Variants in STBD1 observed in about 807,000 individuals in gnomAD.
STBD1 encodes the protein starch binding domain 1, also known as starch-binding domain-containing protein 1.
In STBD1, 13 loss-of-function variants were observed where a neutral mutation model predicts 10.5. The ratio of observed to expected loss-of-function variants is 1.24; its 90% CI spans 0.81 to 1.97. The LOEUF (loss-of-function observed/expected upper bound fraction) is 1.97. Among genes scored for constraint, STBD1 ranks in the 30% most tolerant of loss-of-function variants. The pLI is 0.00. For missense variants in STBD1, 427 were observed against 435.6 expected (o/e 0.98, Z 0.17); for synonymous variants, 146 against 160.2 (o/e 0.91, Z 0.67).
intron 1 of STBD1, among the ~76,000 whole-genome samples, chr4:76,308,625 TC>T (rs1454991748): frequency 2.0e-5 from 3 of 152,354 alleles, no homozygotes; most frequent in East Asian, 1.9e-4. Flanking sequence ...ACTACTGTTC[TC>T]CGTATCTCCC....
At chr4:76,309,047 G>A in intron 1 of STBD1, 97 bp from the exon 2 acceptor site, 1 of 1,483,370 alleles carries the variant, frequency 6.7e-7, no homozygotes. Context: ...AGATTGATTA[G>A]TAGTAAAGCT....
At chr4:76,308,145 G>A (rs762658207) in intron 1 of STBD1, among the ~76,000 whole-genome samples, 4 of 151,844 alleles carry the variant, frequency 2.6e-5, no homozygotes, top group Non-Finnish European at 5.9e-5. Context: ...AGTAGGCGCC[G>A]GTAGTCCCAG....
chr4:76,309,686 G>A lies in STBD1; in HGVS notation c.763G>A (p.Ala255Thr), dbSNP rs150901851. 6.2e-6 allele frequency: 10 copies of A among 1,614,138 alleles called. No homozygotes were observed. The highest frequency in any genetic ancestry group is 1.7e-5 in the Admixed American group (1 of 60,008). ...QQVHGKMERV[A>T]VMPAGSQQVS... ...AGTGCATGGGAAAATGGAAAGGGTA[G>A]CAGTGATGCCTGCAGGGTCTCAGCA... Residue 255 changes from alanine to threonine, a missense_variant, in exon 2 of 2, where the codon GCA becomes ACA. Physicochemically the swap from Ala to Thr is moderately conservative, Grantham distance 58. Coordinates refer to ENST00000237642, the MANE Select transcript of STBD1 (RefSeq NM_003943.5).
rs1228937994 is a variant in STBD1, at chr4:76,309,557, T to TG, written c.640dup (p.Asp214GlyfsTer9). 1.2e-6 allele frequency: 2 copies of TG among 1,614,134 alleles called. 1 individual carries two copies. Among genetic ancestry groups the TG allele is most frequent in the South Asian group, 2.2e-5 (2 of 91,074 alleles). ...GGAAATGGTGCCTAGGCACTCATCT[T>TG]GGGGGGATGTTGGTGTGGGTGGCAG... On this transcript the variant is annotated frameshift_variant, in exon 2 of 2. Transcript: ENST00000237642. LOFTEE classifies it low-confidence loss of function (END_TRUNC).
chr4:76,309,713 G>C lies in STBD1; in HGVS notation c.790G>C (p.Val264Leu), dbSNP rs368066895. Residue 264 changes from valine to leucine, a missense_variant, in exon 2 of 2, where the codon GTT becomes CTT. Val to Leu is a conservative substitution (Grantham distance 32). Coordinates refer to ENST00000237642, the MANE Select transcript of STBD1 (RefSeq NM_003943.5). ...VAVMPAGSQQ[V>L]SVRFQVHYVT... Reference sequence around the variant, plus strand: ...AGTGATGCCTGCAGGGTCTCAGCAAGTTAGTGTCAGGTTCCAGGTCCATTA... The same window carrying C: ...AGTGATGCCTGCAGGGTCTCAGCAACTTAGTGTCAGGTTCCAGGTCCATTA... The C allele has an allele frequency of 1.8e-5, 29 of 1,614,152 alleles. No homozygotes were observed. In the African/African-American group the frequency reaches 3.3e-4, roughly 19 times the overall value.
rs114722810 is a variant in STBD1 at position 76,309,513 on chromosome 4, G to A, written c.590G>A (p.Arg197Gln). 1.3e-4 allele frequency: 210 copies of A among 1,614,234 alleles called. No homozygotes were observed. Among genetic ancestry groups the A allele is most frequent in the Non-Finnish European group, 1.6e-4 (191 of 1,180,030 alleles). Reference protein sequence around the residue: ...MSLSDLNSQDRVDHEEWEMVP... With the variant: ...MSLSDLNSQDQVDHEEWEMVP... ...CTCTCTGATTTGAACAGTCAGGACCGGGTTGACCACGAGGAGTGGGAAATG... is the reference window on the plus strand; with the variant it reads ...CTCTCTGATTTGAACAGTCAGGACCAGGTTGACCACGAGGAGTGGGAAATG... Residue 197 changes from arginine (R) to glutamine (Q), a missense_variant, in exon 2 of 2, where the codon CGG (arginine) becomes CAG (glutamine). Arg to Gln is a conservative substitution (Grantham distance 43). Coordinates refer to ENST00000237642, the MANE Select transcript of STBD1 (RefSeq NM_003943.5).
At position 76,309,984 on chromosome 4, in the gene STBD1, G is replaced by C; in HGVS notation, c.1061G>C (p.Trp354Ser). 1 of 1,611,040 alleles carries C rather than the reference G, an allele frequency of 6.2e-7. No homozygotes were observed. Among genetic ancestry groups the C allele is most frequent in the South Asian group, 1.1e-5 (1 of 91,002 alleles). ...TGHEDKVVHA[W>S]WGIH ...CATGAGGATAAAGTGGTTCACGCAT[G>C]GTGGGGGATTCACTGATTCAGTTTG... The change falls in exon 2 of 2, where the codon TGG becomes TCG. Residue 354 changes from tryptophan to serine, a missense_variant. Coordinates refer to ENST00000237642, the MANE Select transcript of STBD1 (RefSeq NM_003943.5).
intron 1 of STBD1, among the ~76,000 whole-genome samples, chr4:76,307,994 GAAT>G (rs1718827397): frequency 6.6e-6 from 1 of 152,118 alleles, no homozygotes; most frequent in Admixed American, 6.5e-5. Context: ...TGGGAATCCA[GAAT>G]AATATTTGTT....
chr4:76,308,996 A>C (rs540592987), intron 1 of STBD1, 148 bp from the exon 2 acceptor site: 3 of 1,099,102 alleles, frequency 2.7e-6, no homozygotes, highest in East Asian at 2.6e-5. Context: ...TGGTTAATTA[A>C]GTAGTACTTG....
chr4:76,309,206 G>A lies in STBD1; in HGVS notation c.283G>A (p.Ala95Thr), dbSNP rs115210175. ...GACCAAAGACCTTGGTAAACTGCAAGCAGCATCATGGAGATTGCAGAATCC... is the reference window on the plus strand; with the variant it reads ...GACCAAAGACCTTGGTAAACTGCAAACAGCATCATGGAGATTGCAGAATCC... ...SKTKDLGKLQ[A>T]ASWRLQNPSR... Residue 95 changes from alanine (A) to threonine (T), a missense_variant, in exon 2 of 2, where the codon GCA becomes ACA. By Grantham distance (58) the Ala-to-Thr change is moderately conservative. Transcript: ENST00000237642. 57 of 1,612,040 alleles carry A rather than the reference G, an allele frequency of 3.5e-5. No homozygotes were observed. The African/African-American group carries it at 5.9e-4, about 17-fold the overall frequency.
In STBD1 at chr4:76,309,982, A is replaced by C. The variant is rs912404078; in HGVS notation, c.1059A>C (p.Ala353=). 1.9e-6 allele frequency: 3 copies of C among 1,611,170 alleles called. No homozygotes were observed. Among genetic ancestry groups the C allele is most frequent in the Non-Finnish European group, 2.5e-6 (3 of 1,179,038 alleles). ...ETGHEDKVVH[A]WWGIH ...GCCATGAGGATAAAGTGGTTCACGC[A>C]TGGTGGGGGATTCACTGATTCAGTT... is the stretch of plus-strand genomic sequence containing the variant. The change falls in exon 2 of 2, where the codon GCA becomes GCC. Residue 353 remains alanine (A), a synonymous_variant. Coordinates refer to ENST00000237642, the MANE Select transcript of STBD1 (RefSeq NM_003943.5).
At chr4:76,307,268 G>A (rs1434847871) in intron 1 of STBD1, among the ~76,000 whole-genome samples, 1 of 152,212 alleles carries the variant, frequency 6.6e-6, no homozygotes, top group Non-Finnish European at 1.5e-5. Context: ...GCGGGGATGA[G>A]CTCCTCCACT....
Position 76,310,960 on chromosome 4 carries a change from G to A in STBD1, c.*960G>A, listed in dbSNP as rs759275261. 2 of 152,080 alleles carry A rather than the reference G, an allele frequency of 1.3e-5. No homozygotes were observed. The highest frequency in any genetic ancestry group is 6.6e-5 in the Admixed American group (1 of 15,258). 9.4% of individuals were successfully genotyped at this position (152,080 alleles called of 1,614,324 possible). On this transcript the variant is annotated 3_prime_UTR_variant, in exon 2 of 2. Transcript: ENST00000237642. ...CCAGATGGACTGTCCTACAGCAATC[G>A]TTTCCATCTGTCACCCTCTTCCCTC...
chr4:76,309,822 A>G lies in STBD1; in HGVS notation c.899A>G (p.His300Arg), dbSNP rs1718892765. ...LGRWNTYIPL[H>R]YNKDGFWSHS... Reference sequence around the variant, plus strand: ...AGATGGAACACTTACATCCCACTCCACTATAACAAGGATGGGTTCTGGTCT... The same window carrying G: ...AGATGGAACACTTACATCCCACTCCGCTATAACAAGGATGGGTTCTGGTCT... Residue 300 changes from histidine (H) to arginine (R), a missense_variant, in exon 2 of 2, where the codon CAC becomes CGC. By Grantham distance (29) the His-to-Arg change is conservative. Coordinates refer to ENST00000237642, the MANE Select transcript of STBD1 (RefSeq NM_003943.5). The G allele has an allele frequency of 2.5e-6, 4 of 1,614,224 alleles. No individual in the cohort carries two copies. The highest frequency in any genetic ancestry group is 2.2e-5 in the South Asian group (2 of 91,088).
chr4:76,310,731 G>C lies in STBD1; in HGVS notation c.*731G>C, dbSNP rs768660731. ...TGAGAACCAATCATCATGGAAGTCA[G>C]TTGCGGGGGCAGCCCATAAGGAAAG... is the stretch of plus-strand genomic sequence containing the variant. On this transcript the variant is annotated 3_prime_UTR_variant, in exon 2 of 2. Transcript: ENST00000237642. 1 of 152,890 alleles carries C rather than the reference G, an allele frequency of 6.5e-6. No homozygotes were observed. The highest frequency in any genetic ancestry group is 1.5e-5 in the Non-Finnish European group (1 of 68,216). 9.5% of individuals were successfully genotyped at this position (152,890 alleles called of 1,614,324 possible). A position where few individuals can be genotyped will look rare whatever the true frequency, so the allele number is the denominator to read the frequency against.
chr4:76,308,486 T>A (rs1718844774), intron 1 of STBD1, among the ~76,000 whole-genome samples: 3 of 152,288 alleles, frequency 2.0e-5, no homozygotes, highest in South Asian at 4.1e-4. Context: ...GAACGTTTTT[T>A]AAAAAATGCT....
rs1263479179 is a variant in STBD1 at position 76,310,009 on chromosome 4, G to T, written c.*9G>T. The T allele has an allele frequency of 6.2e-7, 1 of 1,602,352 alleles. No individual in the cohort carries two copies. Among genetic ancestry groups the T allele is most frequent in the Non-Finnish European group, 8.5e-7 (1 of 1,175,800 alleles). ...GGTGGGGGATTCACTGATTCAGTTT[G>T]CAAAGTAATGGAGAAGCTGTAGAAC... On this transcript the variant is annotated 3_prime_UTR_variant, in exon 2 of 2. Transcript: ENST00000237642.
At chr4:76,307,064 A>C in intron 1 of STBD1, 75 bp downstream of exon 1, 2 of 1,451,798 alleles carry the variant, frequency 1.4e-6, no homozygotes, top group Admixed American at 3.9e-5. Context: ...GCAAAGAGAC[A>C]AACCCACCTG....
intron 1 of STBD1, 134 bp downstream of exon 1, chr4:76,307,123 T>G (rs1718796200): frequency 1.1e-6 from 1 of 928,562 alleles, no homozygotes; most frequent in African/African-American, 1.6e-5. Flanking sequence ...CTAAGGGGAC[T>G]GGGCCATCCC....
Sources: allele counts gnomAD v4.1 joint callset (sites outside exome capture counted in the v4.1 genomes callset), GRCh38; gene constraint gnomAD v4.1.1; transcripts MANE v1.5; gene names NCBI Gene and HGNC (gene_info 2026-07-23, HGNC 2026-07-21).